The following ABCB4 variants were observed in gnomAD, a reference collection of about 807,000 sequenced individuals.
ABCB4 encodes the protein phosphatidylcholine translocator ABCB4.
Under a neutral mutation model 145.7 loss-of-function variants are expected in ABCB4, and 76 were observed. The ratio of observed to expected loss-of-function variants is 0.52; its 90% CI spans 0.43 to 0.63. The LOEUF (loss-of-function observed/expected upper bound fraction) is 0.63. ABCB4 is among the 30% of genes least tolerant of loss of function. ABCB4 has a pLI of 0.00. For synonymous variants in ABCB4, 517 were observed against 566.8 expected, an observed-to-expected ratio of 0.91 and a Z score of 1.25; for missense variants, 1,234 against 1,553.1, an observed-to-expected ratio of 0.79 and a Z score of 3.45.
intron 19 of ABCB4, among the ~76,000 whole-genome samples, chr7:87,419,274 C>T (rs1809223133): frequency 6.6e-6 from 1 of 152,198 alleles, no homozygotes; most frequent in African/African-American, 2.4e-5. Flanking sequence ...GAATATACTA[C>T]CTACTATGTG....
At chr7:87,454,864 AG>A (rs1420421220) in intron 4 of ABCB4, among the ~76,000 whole-genome samples, 1 of 152,236 alleles carries the variant, frequency 6.6e-6, no homozygotes, top group Non-Finnish European at 1.5e-5. Context: ...TGGCGGTCTC[AG>A]CCTTTAGCAA....
downstream of ABCB4, among the ~76,000 whole-genome samples, chr7:87,400,433 T>G (rs1271427489): frequency 2.0e-5 from 3 of 152,212 alleles, no homozygotes; most frequent in Non-Finnish European, 4.4e-5. Flanking sequence ...CCCTTTACAC[T>G]GTGCCAGCCT....
chr7:87,390,121 G>A, the ABCB4 span, among the ~76,000 whole-genome samples: 1 of 152,092 alleles, frequency 6.6e-6, no homozygotes, highest in Non-Finnish European at 1.5e-5. Context: ...ATGTTGCTCA[G>A]TCTCCTGTAT....
At chr7:87,443,189 C>T (rs17149606) in intron 12 of ABCB4, 130 bp downstream of exon 12, 4 of 1,154,368 alleles carry the variant, frequency 3.5e-6, no homozygotes, top group South Asian at 2.5e-5. Context: ...CATTATCCAT[C>T]GGCATTGCCA....
intron 20 of ABCB4, 21 bp from the exon 21 acceptor site, chr7:87,417,536 A>G: frequency 5.0e-6 from 8 of 1,609,118 alleles, no homozygotes; most frequent in Non-Finnish European, 6.8e-6. Context: ...AAAAGCACAA[A>G]GCAACTGTAG....
Position 87,425,736 on chromosome 7 carries a change from T to A in ABCB4, c.2064+1014A>T, listed in dbSNP as rs45624532. ...AAAAAGCACAGAAAAATTAGCCAGGTGTGGTGGCACACACCTGTAGTCCCG... is the reference window on the plus strand; with the variant it reads ...AAAAAGCACAGAAAAATTAGCCAGGAGTGGTGGCACACACCTGTAGTCCCG... On this transcript the variant is annotated intron_variant, in intron 16 of 27. Coordinates refer to ENST00000649586, the MANE Select transcript of ABCB4 (RefSeq NM_000443.4). Among the ~76,000 whole-genome samples the A allele has an allele frequency of 6.1e-3, 920 of 151,956 alleles. 10 individuals carry two copies. The highest frequency in any genetic ancestry group is 0.021 in the African/African-American group (870 of 41,428).
chr7:87,423,890 G>A lies in ABCB4; in HGVS notation c.2211+16C>T, dbSNP rs31668. ...TTGATCTAATTCAGGCTGTTATGTGGTGTTTGCAAACTTACCGCTATGATC... is the reference window on the plus strand; with the variant it reads ...TTGATCTAATTCAGGCTGTTATGTGATGTTTGCAAACTTACCGCTATGATC... On this transcript the variant is annotated intron_variant, in intron 17 of 27. Transcript: ENST00000649586. 1,477,702 of 1,613,788 alleles carry A rather than the reference G, an allele frequency of 0.92. 678,063 individuals are homozygous for A. Among genetic ancestry groups the A allele is most frequent in the African/African-American group, 0.94 (70,180 of 75,014 alleles).
chr7:87,367,116 T>G, the ABCB4 span, among the ~76,000 whole-genome samples: 9 of 152,324 alleles, frequency 5.9e-5, no homozygotes, highest in Middle Eastern at 3.4e-3. Context: ...TTAGGTTACA[T>G]GGTAAAGAGG....
intron 22 of ABCB4, 31 bp downstream of exon 22, chr7:87,413,585 AG>A: frequency 7.5e-7 from 1 of 1,326,342 alleles, no homozygotes; most frequent in Middle Eastern, 2.3e-4. Flanking sequence ...GGAAAGCACT[AG>A]GTTCTTAGCA....
rs768448686 is a variant in ABCB4, at chr7:87,402,256, A to G, written c.3680T>C (p.Ile1227Thr). Residue 1227 changes from isoleucine to threonine, a missense_variant, in exon 28 of 28, where the codon ATT (isoleucine) becomes ACT (threonine). This residue lies in a region of ABCB4 where 58 missense variants were observed against 75.9 expected (regional missense o/e 0.76). Transcript: ENST00000649586. ...LDKAREGRTC[I>T]VIAHRLSTIQ... ...GGTGGACAGGCGGTGAGCAATCACA[A>G]TGCAGGTGCGGCCTTCTCTGGCTTT... The G allele has an allele frequency of 3.1e-6, 5 of 1,614,076 alleles. No homozygotes were observed. The highest frequency in any genetic ancestry group is 2.2e-5 in the East Asian group (1 of 44,876).
intron 23 of ABCB4, among the ~76,000 whole-genome samples, chr7:87,410,512 C>A (rs1474655593): frequency 6.6e-6 from 1 of 152,156 alleles, no homozygotes; most frequent in Admixed American, 6.5e-5. Context: ...CATAATTTAA[C>A]ATTTCAATGA....
At chr7:87,472,542 T>C in intron 3 of ABCB4, 79 bp downstream of exon 3, 1 of 1,253,786 alleles carries the variant, frequency 8.0e-7, no homozygotes, top group South Asian at 1.2e-5. Flanking sequence ...TTAAAGTATT[T>C]GCTTTAAAGG....
At chr7:87,396,510 G>T in the ABCB4 span, among the ~76,000 whole-genome samples, 1 of 152,118 alleles carries the variant, frequency 6.6e-6, no homozygotes, top group African/African-American at 2.4e-5. Context: ...ACTAAAGCAA[G>T]TGGGGCAAGG....
chr7:87,430,408 G>T (rs753198834), intron 15 of ABCB4, among the ~76,000 whole-genome samples: 2 of 152,084 alleles, frequency 1.3e-5, no homozygotes, highest in Admixed American at 1.3e-4. Context: ...ATATTCTTAG[G>T]TTATTTATTC....
intron 23 of ABCB4, among the ~76,000 whole-genome samples, chr7:87,411,384 G>T (rs1472997064): frequency 6.6e-6 from 1 of 152,116 alleles, no homozygotes; most frequent in Non-Finnish European, 1.5e-5. Flanking sequence ...CCAGTAGTTT[G>T]CCTTGGAAAC....
intron 4 of ABCB4, among the ~76,000 whole-genome samples, chr7:87,460,622 GTATTTATTTATTTATTTATTTATT>G (rs3028335): frequency 3.4e-4 from 50 of 148,432 alleles, no homozygotes; most frequent in Non-Finnish European, 5.8e-4. Flanking sequence ...ACACAATTTT[GTATTTATTTATTTATTTATTTATT>G]TATTTATTTA....
chr7:87,409,521 A>G, intron 23 of ABCB4, 129 bp from the exon 24 acceptor site: 1 of 899,178 alleles, frequency 1.1e-6, no homozygotes, highest in East Asian at 2.6e-5. Context: ...TCTCCCCGAC[A>G]TACATTTTCA....
intron 7 of ABCB4, 111 bp from the exon 8 acceptor site, chr7:87,450,203 A>ATTTG: frequency 1.4e-6 from 2 of 1,431,724 alleles, no homozygotes; most frequent in Non-Finnish European, 1.9e-6. Flanking sequence ...TTTAACAAAT[A>ATTTG]TTAAAGTCAT....
chr7:87,470,901 A>G (rs1813342509), intron 3 of ABCB4, among the ~76,000 whole-genome samples: 1 of 152,246 alleles, frequency 6.6e-6, no homozygotes. Context: ...TCATGCTGCT[A>G]TACAGACACA....
Sources: allele counts gnomAD v4.1 joint callset (sites outside exome capture counted in the v4.1 genomes callset), GRCh38; gene constraint gnomAD v4.1.1; regional missense constraint gnomAD v4.1.1; transcripts MANE v1.5; gene names NCBI Gene and HGNC (gene_info 2026-07-23, HGNC 2026-07-21).